The following ANXA4 variants were observed in gnomAD, a reference collection of about 807,000 sequenced individuals.
ANXA4 encodes 35-beta calcimedin.
A neutral mutation model predicts 49.8 loss-of-function variants in ANXA4; 39 were observed. That is an observed-to-expected ratio of 0.78 (90% CI 0.61 to 1.02). ANXA4 has a LOEUF of 1.02. ANXA4 is among the 50% of genes least tolerant of loss of function. The pLI is 0.00. For synonymous variants in ANXA4, 134 were observed against 152.5 expected, an observed-to-expected ratio of 0.88 and a Z score of 0.89; for missense variants, 360 against 410.1, an observed-to-expected ratio of 0.88 and a Z score of 1.05.
chr2:69,675,377 G>A (rs1677369587), intron 2 of ANXA4, among the ~76,000 whole-genome samples: 1 of 152,028 alleles, frequency 6.6e-6, no homozygotes. Flanking sequence ...TGACCTTATA[G>A]TCATGTTGAC....
At chr2:69,707,413 C>A (rs1284941903) in intron 2 of ANXA4, among the ~76,000 whole-genome samples, 1 of 152,170 alleles carries the variant, frequency 6.6e-6, no homozygotes, top group Non-Finnish European at 1.5e-5. Flanking sequence ...TGCCAATATT[C>A]CAGGAATCCC....
chr2:69,742,315 C>T (rs1012789305), intron 1 of ANXA4, 140 bp downstream of exon 1: 7 of 152,090 alleles, frequency 4.6e-5, no homozygotes, highest in African/African-American at 1.7e-4. Context: ...CGGGCAAGCC[C>T]GGGCGGCCAC....
intron 2 of ANXA4, among the ~76,000 whole-genome samples, chr2:69,698,528 G>A (rs1338402802): frequency 6.6e-6 from 1 of 152,140 alleles, no homozygotes; most frequent in Non-Finnish European, 1.5e-5. Flanking sequence ...CAGATAGTGG[G>A]AGCCTAGGGC....
At chr2:69,819,794 G>A (rs1674152542) in intron 11 of ANXA4, among the ~76,000 whole-genome samples, 2 of 152,268 alleles carry the variant, frequency 1.3e-5, no homozygotes, top group Admixed American at 1.3e-4. Context: ...TTGGCCAGGT[G>A]CGGTGGCTCA....
At chr2:69,693,608 G>A (rs985023807) in intron 2 of ANXA4, among the ~76,000 whole-genome samples, 1 of 152,154 alleles carries the variant, frequency 6.6e-6, no homozygotes, top group Middle Eastern at 3.2e-3. Context: ...AGGTCCCCAA[G>A]GACTGCCACA....
chr2:69,695,358 AGGCAGCACTCAGCACCC>A (rs1204851853), intron 2 of ANXA4, among the ~76,000 whole-genome samples: 1 of 152,192 alleles, frequency 6.6e-6, no homozygotes, highest in Non-Finnish European at 1.5e-5. Context: ...TTTGGTGCTG[AGGCAGCACTCAGCACCC>A]GTGCTGATTT....
intron 10 of ANXA4, 144 bp downstream of exon 10, chr2:69,818,838 C>G: frequency 1.7e-6 from 1 of 593,022 alleles, no homozygotes; most frequent in Non-Finnish European, 3.0e-6. Flanking sequence ...GATTTTTAAA[C>G]AAGAAATATT....
rs751424173 is a variant in ANXA4, at chr2:69,818,609, A to G, written c.639A>G (p.Glu213=). Residue 213 remains glutamate (E), a synonymous_variant, in exon 10 of 13, where the codon GAA becomes GAG. Transcript: ENST00000394295. ...TGTTATTGTCTGCAGTGTTTGATGA[A>G]TACAAAAGGATATCACAGAAGGATA... ...NRNHLLHVFD[E]YKRISQKDIE... is the part of the protein sequence containing the mutation. The G allele has an allele frequency of 6.2e-6, 10 of 1,600,344 alleles. No individual in the cohort carries two copies. Among genetic ancestry groups the G allele is most frequent in the African/African-American group, 2.7e-5 (2 of 74,404 alleles).
intron 3 of ANXA4, among the ~76,000 whole-genome samples, chr2:69,736,838 A>G (rs1322518512): frequency 6.6e-6 from 1 of 152,170 alleles, no homozygotes; most frequent in Non-Finnish European, 1.5e-5. Flanking sequence ...GTCTCGCTCT[A>G]TCACTCAGGT....
intron 3 of ANXA4, among the ~76,000 whole-genome samples, chr2:69,796,597 CT>C: frequency 6.6e-6 from 1 of 152,282 alleles, no homozygotes; most frequent in East Asian, 1.9e-4. Flanking sequence ...GCAAGTCTCC[CT>C]TTATTTTTCT....
At chr2:69,741,079 A>T (rs1469742555), upstream of ANXA4, among the ~76,000 whole-genome samples, 1 of 152,170 alleles carries the variant, frequency 6.6e-6, no homozygotes, top group African/African-American at 2.4e-5. Context: ...CCGTGCTCTA[A>T]ACCATATTAA....
chr2:69,810,843 C>A lies in ANXA4; in HGVS notation c.477+170C>A, dbSNP rs533224619. The stretch of plus-strand genomic sequence containing the variant: ...TCTCCTTCAGAGACTCTGGCTAATC[C>A]TGCCTGCCCATTTTTTCTACTTTAA... On this transcript the variant is annotated intron_variant, in intron 7 of 12. Coordinates refer to ENST00000394295, the MANE Select transcript of ANXA4 (RefSeq NM_001153.5). 181 of 599,108 alleles carry A rather than the reference C, an allele frequency of 3.0e-4. 1 individual carries two copies. The highest frequency in any genetic ancestry group is 4.9e-4 in the Non-Finnish European group (166 of 336,374). The allele number at this position is 599,108 out of a possible 1,614,324, so 37.1% of individuals were successfully genotyped here.
rs140928878 is a variant in ANXA4, at chr2:69,727,421, A to T, written n.864+6550A>T. On this transcript the variant is annotated intron_variant and non_coding_transcript_variant, in intron 3 of 3. Coordinates refer to the ANXA4 transcript ENST00000418066. ...CAATCTGATAACATTTGGTATAACT[A>T]GTCTTTTTCATTTTGGACATTCTGG... Among the ~76,000 whole-genome samples the T allele has an allele frequency of 2.9e-3, 439 of 152,250 alleles. 5 individuals carry two copies. Among genetic ancestry groups the T allele is most frequent in the Admixed American group, 9.2e-3 (140 of 15,282 alleles).
intron 2 of ANXA4, among the ~76,000 whole-genome samples, chr2:69,698,748 C>G (rs553262365): frequency 6.6e-6 from 1 of 152,188 alleles, no homozygotes; most frequent in Non-Finnish European, 1.5e-5. Context: ...CCTTGTCACT[C>G]TGAGGCTTGT....
At chr2:69,721,971 T>C (rs1192209709) in intron 3 of ANXA4, among the ~76,000 whole-genome samples, 1 of 152,194 alleles carries the variant, frequency 6.6e-6, no homozygotes, top group East Asian at 1.9e-4. Flanking sequence ...TGACACTGAT[T>C]CTTTTACCTT....
intron 3 of ANXA4, among the ~76,000 whole-genome samples, chr2:69,727,382 A>G (rs1437073687): frequency 2.0e-5 from 3 of 152,180 alleles, no homozygotes; most frequent in African/African-American, 7.2e-5. Context: ...CAGTGTATAG[A>G]GTAGCAGTTG....
intron 4 of ANXA4, 32 bp from the exon 5 acceptor site, chr2:69,806,353 C>G (rs368329489): frequency 2.7e-6 from 4 of 1,491,780 alleles, no homozygotes; most frequent in African/African-American, 2.8e-5. Flanking sequence ...TTTGCTATAG[C>G]AGTTAAGCGG....
chr2:69,773,429 T>A (rs1178146682), intron 1 of ANXA4, among the ~76,000 whole-genome samples: 1 of 152,134 alleles, frequency 6.6e-6, no homozygotes, highest in Non-Finnish European at 1.5e-5. Flanking sequence ...GTCAGCCAAT[T>A]AGCATATGAA....
intron 5 of ANXA4, among the ~76,000 whole-genome samples, chr2:69,807,670 C>T (rs957898416): frequency 7.2e-5 from 11 of 152,134 alleles, no homozygotes; most frequent in Non-Finnish European, 1.5e-4. Context: ...CATACCTACC[C>T]GGGCACAGTA....
Sources: gnomAD v4.1 joint callset for allele counts (sites outside exome capture counted in the v4.1 genomes callset) on GRCh38, gnomAD v4.1.1 for gene constraint, MANE v1.5 for transcripts, NCBI Gene and HGNC (gene_info 2026-07-23, HGNC 2026-07-21) for gene names.